GADL1: variants seen among roughly 807,000 people sequenced by gnomAD.
GADL1 encodes the protein GAD like acidic amino acid decarboxylase 1.
Under a neutral mutation model 69.5 loss-of-function variants are expected in GADL1, and 71 were observed. That is an observed-to-expected ratio of 1.02 (90% CI 0.84 to 1.25). GADL1 has a LOEUF of 1.25. GADL1 is among the 50% of genes most tolerant of loss of function. GADL1 has a pLI of 0.00. For synonymous variants in GADL1, 254 were observed against 214.4 expected (o/e 1.18, Z -1.62); for missense variants, 737 against 631.8 (o/e 1.17, Z -1.79).
chr3:30,836,554 A>C (rs1332105365), intron 9 of GADL1, among the ~76,000 whole-genome samples: 1 of 152,042 alleles, frequency 6.6e-6, no homozygotes, highest in African/African-American at 2.4e-5. Flanking sequence ...AGCTATTACT[A>C]TATGTGAGGC....
chr3:30,877,110 C>G (rs534200086), intron 1 of GADL1, among the ~76,000 whole-genome samples: 30 of 151,904 alleles, frequency 2.0e-4, no homozygotes, highest in Non-Finnish European at 2.9e-4. Flanking sequence ...CAAGTATACC[C>G]AGTTCTACAA....
chr3:30,787,710 C>T (rs975529483), intron 12 of GADL1, among the ~76,000 whole-genome samples: 1 of 152,070 alleles, frequency 6.6e-6, no homozygotes, highest in Non-Finnish European at 1.5e-5. Context: ...AAGACACAAC[C>T]ATGCTCCTCT....
At chr3:30,743,079 T>A (rs1453590145) in intron 14 of GADL1, among the ~76,000 whole-genome samples, 1 of 152,120 alleles carries the variant, frequency 6.6e-6, no homozygotes, top group East Asian at 1.9e-4. Flanking sequence ...TAAATTTTTT[T>A]CAACCTGTGT....
intron 14 of GADL1, among the ~76,000 whole-genome samples, chr3:30,774,178 G>T (rs1696482467): frequency 6.6e-6 from 1 of 152,114 alleles, no homozygotes; most frequent in Non-Finnish European, 1.5e-5. Context: ...ATTTTGAGAG[G>T]GTTGCTACTG....
At chr3:30,861,218 A>G (rs966388717) in intron 2 of GADL1, among the ~76,000 whole-genome samples, 2 of 151,818 alleles carry the variant, frequency 1.3e-5, no homozygotes, top group Non-Finnish European at 2.9e-5. Context: ...CAACATGAAG[A>G]GTGTGCACTA....
chr3:30,892,746 G>C (rs1433600320), intron 1 of GADL1, among the ~76,000 whole-genome samples: 1 of 152,200 alleles, frequency 6.6e-6, no homozygotes, highest in Non-Finnish European at 1.5e-5. Context: ...GTTAAGGTCA[G>C]ATAAAACTAT....
Position 30,812,146 on chromosome 3 carries a change from C to T in GADL1, c.1051-11058G>A, listed in dbSNP as rs1293073186. On this transcript the variant is annotated intron_variant, in intron 11 of 14. Coordinates refer to ENST00000282538, the MANE Select transcript of GADL1 (RefSeq NM_207359.3). ...AATACAAGTGAAGAATGGCTTTATT[C>T]CGTGCAACCCAAAGAGAATGTGGGT... Among the ~76,000 whole-genome samples, 4 of 152,104 alleles carry T rather than the reference C, an allele frequency of 2.6e-5. No homozygotes were observed. In the East Asian group the frequency reaches 7.7e-4, roughly 29 times the overall value.
Position 30,797,821 on chromosome 3 carries a change from AT to A in GADL1, c.1250+3067del, listed in dbSNP as rs566225618. On this transcript the variant is annotated intron_variant, in intron 12 of 14. Transcript: ENST00000282538. The stretch of plus-strand genomic sequence containing the variant: ...AAAAATCCAGGTTTTTTATAAATTT[AT>A]TTTTTTAAAAGCATTTCAAATATTG... 10 of 152,098 alleles carry A rather than the reference AT, an allele frequency of 6.6e-5. No individual in the cohort carries two copies. The South Asian group carries it at 1.2e-3, about 19-fold the overall frequency. The allele number at this position is 152,098 out of a possible 1,614,324, so 9.4% of individuals were successfully genotyped here.
At chr3:30,877,042 C>A (rs1698585369) in intron 1 of GADL1, among the ~76,000 whole-genome samples, 1 of 151,916 alleles carries the variant, frequency 6.6e-6, no homozygotes, top group Non-Finnish European at 1.5e-5. Context: ...CAGAAAGACA[C>A]TGTACTAGGC....
chr3:30,837,164 G>GTT (rs3043722), intron 9 of GADL1, among the ~76,000 whole-genome samples: 1 of 151,610 alleles, frequency 6.6e-6, no homozygotes, highest in African/African-American at 2.4e-5. Context: ...ATAAACATCA[G>GTT]TTTAATATTT....
chr3:30,856,495 TTTTA>T (rs545828024), intron 3 of GADL1, among the ~76,000 whole-genome samples: 12 of 152,098 alleles, frequency 7.9e-5, no homozygotes, highest in African/African-American at 2.4e-4. Flanking sequence ...ATCTAAGGGC[TTTTA>T]TTTATTTGTT....
At chr3:30,767,481 C>T (rs1003341344) in intron 14 of GADL1, among the ~76,000 whole-genome samples, 16 of 151,886 alleles carry the variant, frequency 1.1e-4, no homozygotes, top group African/African-American at 3.1e-4. Context: ...AACATAAGAC[C>T]CCATAATAAA....
intron 12 of GADL1, among the ~76,000 whole-genome samples, chr3:30,793,216 C>CT (rs1696958400): frequency 6.6e-6 from 1 of 152,126 alleles, no homozygotes; most frequent in Admixed American, 6.6e-5. Flanking sequence ...ATAAGTGTTT[C>CT]TACTAAAAAG....
chr3:30,731,479 T>G (rs1304754689), intron 14 of GADL1, among the ~76,000 whole-genome samples: 1 of 152,218 alleles, frequency 6.6e-6, no homozygotes, highest in Non-Finnish European at 1.5e-5. Flanking sequence ...CACGTTTGTA[T>G]TTCTTGTGAG....
At chr3:30,893,260 T>G (rs1307503665) in intron 1 of GADL1, among the ~76,000 whole-genome samples, 3 of 152,242 alleles carry the variant, frequency 2.0e-5, no homozygotes, top group Non-Finnish European at 2.9e-5. Context: ...TTTTTAAGTT[T>G]TATTGTTTTT....
intron 11 of GADL1, among the ~76,000 whole-genome samples, chr3:30,821,558 TTG>T (rs1336881596): frequency 2.0e-5 from 3 of 151,988 alleles, no homozygotes; most frequent in Non-Finnish European, 2.9e-5. Flanking sequence ...AAAAGAATCT[TTG>T]TGTGAAATAA....
chr3:30,762,390 T>TG (rs1433555961), intron 14 of GADL1, among the ~76,000 whole-genome samples: 1 of 152,176 alleles, frequency 6.6e-6, no homozygotes, highest in African/African-American at 2.4e-5. Flanking sequence ...TTGTCAAGCA[T>TG]GAAAAAATAC....
chr3:30,853,946 T>C (rs890531004), intron 4 of GADL1, among the ~76,000 whole-genome samples: 1 of 152,114 alleles, frequency 6.6e-6, no homozygotes, highest in Non-Finnish European at 1.5e-5. Flanking sequence ...TTTTGTTACA[T>C]TTAGAAAGAC....
At chr3:30,808,209 G>T (rs934129318) in intron 11 of GADL1, among the ~76,000 whole-genome samples, 3 of 151,544 alleles carry the variant, frequency 2.0e-5, no homozygotes, top group Admixed American at 1.3e-4. Context: ...AGCAAAGGAT[G>T]AACCGGCCGG....
Sources: gnomAD v4.1 joint callset for allele counts (sites outside exome capture counted in the v4.1 genomes callset) on GRCh38, gnomAD v4.1.1 for gene constraint, MANE v1.5 for transcripts, NCBI Gene and HGNC (gene_info 2026-07-23, HGNC 2026-07-21) for gene names.